Variants in GNAQ observed in about 807,000 individuals in gnomAD.
GNAQ encodes guanine nucleotide-binding protein G(q) subunit alpha.
In GNAQ, 8 loss-of-function variants were observed where a neutral mutation model predicts 43.9. The ratio of observed to expected loss-of-function variants is 0.18; its 90% CI spans 0.11 to 0.33. The LOEUF (loss-of-function observed/expected upper bound fraction) is 0.33, where lower values mean the gene tolerates loss of function less well. Among genes scored for constraint, GNAQ ranks in the 10% least tolerant of loss-of-function variants. The pLI, the probability that GNAQ is intolerant of heterozygous loss-of-function variation, is 1.00. For synonymous variants in GNAQ, 155 were observed against 170.7 expected (o/e 0.91, Z 0.71); for missense variants, 158 against 450.8 (o/e 0.35, Z 5.88).
chr9:77,992,857 A>G (rs1260579712), intron 1 of GNAQ, among the ~76,000 whole-genome samples: 1 of 152,142 alleles, frequency 6.6e-6, no homozygotes, highest in Non-Finnish European at 1.5e-5. Flanking sequence ...AGGAAGAAGA[A>G]TTGCTCGAAC....
intron 3 of GNAQ, among the ~76,000 whole-genome samples, chr9:77,800,489 C>T (rs543942044): frequency 5.9e-5 from 9 of 152,014 alleles, no homozygotes; most frequent in South Asian, 2.1e-4. Context: ...AACCAAACAC[C>T]GCATATTCTC....
At chr9:78,027,147 T>C (rs1823992946) in intron 1 of GNAQ, among the ~76,000 whole-genome samples, 1 of 152,244 alleles carries the variant, frequency 6.6e-6, no homozygotes, top group South Asian at 2.1e-4. Context: ...ACTGGTTCAA[T>C]GTGTGATGCA....
chr9:77,994,250 G>A (rs1823542529), intron 1 of GNAQ, among the ~76,000 whole-genome samples: 1 of 152,040 alleles, frequency 6.6e-6, no homozygotes, highest in South Asian at 2.1e-4. Context: ...TGTTGTCCAG[G>A]CTGGTCTCTT....
chr9:77,926,066 G>C (rs1587413835), intron 1 of GNAQ, among the ~76,000 whole-genome samples: 1 of 152,060 alleles, frequency 6.6e-6, no homozygotes, highest in African/African-American at 2.4e-5. Context: ...TGAATCCATG[G>C]ATATGGAACC....
intron 1 of GNAQ, chr9:78,030,428 T>C (rs1476709532): frequency 1.1e-5 from 5 of 449,682 alleles, no homozygotes; most frequent in Non-Finnish European, 2.3e-5. Flanking sequence ...AGAACAGCAC[T>C]TGTGTGACAC....
At chr9:78,005,236 G>A (rs1823691247) in intron 1 of GNAQ, among the ~76,000 whole-genome samples, 1 of 152,124 alleles carries the variant, frequency 6.6e-6, no homozygotes, top group Non-Finnish European at 1.5e-5. Context: ...TGTAGAGATG[G>A]TGTTCTTCAT....
In GNAQ at chr9:77,922,227, C is replaced by T. The variant is rs201698777; in HGVS notation, c.255G>A (p.Thr85=). Residue 85 remains threonine, a synonymous_variant, in exon 2 of 7, where the codon ACG becomes ACA. Transcript: ENST00000286548. ...TGGCTCTGATCATGGCCTGCATGGC[C>T]GTGAAGATGTTCTGATACACCAGCT... ...FTKLVYQNIF[T]AMQAMIRAMD... 3.7e-5 allele frequency: 60 copies of T among 1,613,500 alleles called. No homozygotes were observed. The highest frequency in any genetic ancestry group is 4.5e-5 in the Non-Finnish European group (53 of 1,179,622).
At chr9:77,784,530 TATA>T (rs1375662188) in intron 5 of GNAQ, among the ~76,000 whole-genome samples, 1 of 152,150 alleles carries the variant, frequency 6.6e-6, no homozygotes, top group African/African-American at 2.4e-5. Flanking sequence ...ATGCAGATAA[TATA>T]ATTGAAAAAC....
At chr9:77,985,563 G>T (rs1823424471) in intron 1 of GNAQ, among the ~76,000 whole-genome samples, 1 of 152,096 alleles carries the variant, frequency 6.6e-6, no homozygotes, top group Admixed American at 6.6e-5. Context: ...TGTGTTTTTA[G>T]ATTAGTATAA....
At position 77,720,350 on chromosome 9, in the gene GNAQ, T is replaced by G. The variant is rs531951273; in HGVS notation, c.*973A>C. On this transcript the variant is annotated 3_prime_UTR_variant, in exon 7 of 7. Coordinates refer to ENST00000286548, the MANE Select transcript of GNAQ (RefSeq NM_002072.5). ...AACACATACCCATAATAAAAGTCAT[T>G]TTAAAATCGTGGCCCAAACACCAAG... The G allele has an allele frequency of 4.3e-6, 1 of 233,522 alleles. No individual in the cohort carries two copies. The highest frequency in any genetic ancestry group is 5.6e-5 in the Admixed American group (1 of 17,782). The allele number at this position is 233,522 out of a possible 1,614,324, so 14.5% of individuals were successfully genotyped here. A position where few individuals can be genotyped will look rare whatever the true frequency, so the allele number is the denominator to read the frequency against.
intron 2 of GNAQ, among the ~76,000 whole-genome samples, chr9:77,896,506 A>C (rs772606119): frequency 5.3e-5 from 8 of 152,166 alleles, no homozygotes; most frequent in Non-Finnish European, 1.2e-4. Context: ...CAGCAATAAA[A>C]TAAAAACTTT....
At chr9:77,821,174 T>G (rs971193735) in intron 2 of GNAQ, among the ~76,000 whole-genome samples, 1 of 152,158 alleles carries the variant, frequency 6.6e-6, no homozygotes, top group Admixed American at 6.5e-5. Flanking sequence ...CTTCTATCAT[T>G]AGATTTTTAT....
At chr9:77,905,306 T>A (rs1004679749) in intron 2 of GNAQ, among the ~76,000 whole-genome samples, 1 of 152,192 alleles carries the variant, frequency 6.6e-6, no homozygotes, top group Non-Finnish European at 1.5e-5. Flanking sequence ...CTATGAGTAT[T>A]ACTATTGTTC....
At chr9:77,795,567 A>C (rs1335277698) in intron 4 of GNAQ, among the ~76,000 whole-genome samples, 1 of 152,166 alleles carries the variant, frequency 6.6e-6, no homozygotes, top group Admixed American at 6.5e-5. Flanking sequence ...CCTGACATTA[A>C]ACCTAAACAA....
intron 1 of GNAQ, among the ~76,000 whole-genome samples, chr9:77,942,610 C>T (rs1829331425): frequency 6.6e-6 from 1 of 152,124 alleles, no homozygotes; most frequent in Non-Finnish European, 1.5e-5. Flanking sequence ...GGGAAACTCA[C>T]CAAAAAGTAG....
intron 2 of GNAQ, among the ~76,000 whole-genome samples, chr9:77,857,426 A>G (rs916250912): frequency 1.3e-5 from 2 of 151,908 alleles, no homozygotes; most frequent in Admixed American, 6.6e-5. Flanking sequence ...TGTAGTACAC[A>G]CTGTATTCCA....
chr9:77,875,048 C>A (rs567083050), intron 2 of GNAQ, among the ~76,000 whole-genome samples: 1 of 152,160 alleles, frequency 6.6e-6, no homozygotes, highest in Non-Finnish European at 1.5e-5. Context: ...ATTTATTTGA[C>A]CCACTGAGAT....
At chr9:77,836,068 C>T (rs1228399897) in intron 2 of GNAQ, among the ~76,000 whole-genome samples, 1 of 152,108 alleles carries the variant, frequency 6.6e-6, no homozygotes, top group Admixed American at 6.5e-5. Context: ...ATGCACTAAA[C>T]TTATGGCCAA....
chr9:77,985,057 T>C (rs1823417063), intron 1 of GNAQ, among the ~76,000 whole-genome samples: 1 of 152,166 alleles, frequency 6.6e-6, no homozygotes, highest in East Asian at 1.9e-4. Flanking sequence ...ACACCTGTAA[T>C]CCCAGCACTT....
Sources: allele counts gnomAD v4.1 joint callset (sites outside exome capture counted in the v4.1 genomes callset), GRCh38; gene constraint gnomAD v4.1.1; transcripts MANE v1.5; gene names NCBI Gene and HGNC (gene_info 2026-07-23, HGNC 2026-07-21).